The following DAW1 variants were observed in gnomAD, a reference collection of about 807,000 sequenced individuals.
DAW1 encodes dynein assembly factor with WD repeats 1.
DAW1 carries 47 observed loss-of-function variants against 56.5 expected under a neutral mutation model. The observed-to-expected ratio is 0.83, with a 90% CI of 0.66 to 1.06. The LOEUF (loss-of-function observed/expected upper bound fraction) is 1.06. Ranked by LOEUF, DAW1 falls within the 50% of genes least tolerant of loss-of-function variation. The pLI is 0.00. For synonymous variants in DAW1, 190 were observed against 179.0 expected (o/e 1.06, Z -0.49); for missense variants, 505 against 499.3 (o/e 1.01, Z -0.11).
intron 1 of DAW1, among the ~76,000 whole-genome samples, chr2:227,878,269 A>G (rs1393074511): frequency 1.3e-5 from 2 of 152,224 alleles, no homozygotes; most frequent in Non-Finnish European, 1.5e-5. Context: ...ACCCTCATAT[A>G]TAATGCAAAA....
chr2:227,905,148 A>G, intron 8 of DAW1, 113 bp downstream of exon 8: 1 of 684,570 alleles, frequency 1.5e-6, no homozygotes, highest in Non-Finnish European at 2.3e-6. Flanking sequence ...ATTCCATAAA[A>G]ATAGGACATA....
Position 227,906,309 on chromosome 2 carries a change from T to C in DAW1, c.829T>C (p.Leu277=), listed in dbSNP as rs775148323. 1 of 1,612,670 alleles carries C rather than the reference T, an allele frequency of 6.2e-7. No individual in the cohort carries two copies. The highest frequency in any genetic ancestry group is 1.7e-5 in the Admixed American group (1 of 59,954). The change falls in exon 9 of 13, where the codon TTA becomes CTA. Residue 277 remains leucine (L), a synonymous_variant. Coordinates refer to ENST00000309931, the MANE Select transcript of DAW1 (RefSeq NM_178821.3). ...ASFNWDCSLI[L]TGSMDKTCKL... ...ATTCAATTGGGATTGCTCTCTAATA[T>C]TAACTGGCTCTATGGACAAAACCTG...
intron 10 of DAW1, among the ~76,000 whole-genome samples, chr2:227,917,523 G>T (rs950220552): frequency 2.6e-5 from 4 of 152,028 alleles, no homozygotes; most frequent in African/African-American, 9.7e-5. Flanking sequence ...GCCTCCCAAA[G>T]TGCTGGGATT....
chr2:227,903,643 C>CCTTCCTCCCACCCTCCT (rs1166825673), intron 7 of DAW1, among the ~76,000 whole-genome samples: 34 of 95,728 alleles, frequency 3.6e-4, no homozygotes, highest in African/African-American at 1.2e-3. Context: ...GTCACTCTCC[C>CCTTCCTCCCACCCTCCT]CTTCCTCCCA....
intron 11 of DAW1, among the ~76,000 whole-genome samples, chr2:227,919,209 G>GAAAAAAAAAAAAAA (rs58496380): frequency 1.5e-5 from 2 of 134,798 alleles, no homozygotes; most frequent in Non-Finnish European, 3.1e-5. Context: ...AAAAAAAAAA[G>GAAAAAAAAAAAAAA]AAAAAAAAAA....
chr2:227,917,954 G>A (rs1692003025), intron 10 of DAW1, among the ~76,000 whole-genome samples: 2 of 152,128 alleles, frequency 1.3e-5, no homozygotes, highest in African/African-American at 2.4e-5. Flanking sequence ...ACTATGTAAT[G>A]CTATAATCAG....
chr2:227,889,140 A>G (rs1040577451), intron 2 of DAW1, among the ~76,000 whole-genome samples: 3 of 152,224 alleles, frequency 2.0e-5, no homozygotes, highest in African/African-American at 7.2e-5. Context: ...ATACATGTTC[A>G]TTCAAAAGAA....
chr2:227,904,140 G>A (rs1029281204), intron 7 of DAW1, among the ~76,000 whole-genome samples: 2 of 152,024 alleles, frequency 1.3e-5, no homozygotes, highest in African/African-American at 2.4e-5. Flanking sequence ...ACCTGTCTGC[G>A]CCAGAGAGTG....
chr2:227,879,243 A>C (rs1690955266), intron 1 of DAW1, among the ~76,000 whole-genome samples: 1 of 152,206 alleles, frequency 6.6e-6, no homozygotes, highest in Non-Finnish European at 1.5e-5. Context: ...CTGATGTGGA[A>C]TATTATCAGT....
intron 1 of DAW1, chr2:227,876,386 A>G (rs748541150): frequency 2.1e-5 from 26 of 1,246,612 alleles, no homozygotes; most frequent in Admixed American, 2.0e-4. Flanking sequence ...CTTAATGCTT[A>G]TCTTATAATG....
intron 10 of DAW1, among the ~76,000 whole-genome samples, chr2:227,917,667 T>C (rs1253853390): frequency 6.6e-6 from 1 of 152,162 alleles, no homozygotes; most frequent in Non-Finnish European, 1.5e-5. Flanking sequence ...TTTATAAAAC[T>C]TAGAGTGTAG....
chr2:227,908,840 CTG>C (rs1691748162), intron 10 of DAW1, among the ~76,000 whole-genome samples: 1 of 152,176 alleles, frequency 6.6e-6, no homozygotes, highest in Non-Finnish European at 1.5e-5. Context: ...TGATGCTATT[CTG>C]TGAGGCATAG....
intron 11 of DAW1, among the ~76,000 whole-genome samples, chr2:227,919,463 G>A (rs1439823530): frequency 1.3e-5 from 2 of 152,268 alleles, no homozygotes; most frequent in African/African-American, 2.4e-5. Flanking sequence ...TTTAAGGAGC[G>A]TGTAAACTGC....
At chr2:227,885,467 GC>G (rs752975690) in intron 2 of DAW1, 44 bp downstream of exon 2, 1 of 1,464,806 alleles carries the variant, frequency 6.8e-7, no homozygotes, top group Non-Finnish European at 9.4e-7. Flanking sequence ...TCACTGGGAA[GC>G]CTTGACACAG....
At chr2:227,923,437 T>A (rs1420677791) in intron 12 of DAW1, among the ~76,000 whole-genome samples, 1 of 152,210 alleles carries the variant, frequency 6.6e-6, no homozygotes, top group African/African-American at 2.4e-5. Context: ...ACTTCTTATA[T>A]TGATGTTATG....
chr2:227,907,106 T>C (rs1255691269), intron 9 of DAW1, 32 bp from the exon 10 acceptor site: 1 of 1,514,638 alleles, frequency 6.6e-7, no homozygotes, highest in East Asian at 2.3e-5. Flanking sequence ...TCATAGTCTT[T>C]TTTTTTTTGT....
At chr2:227,906,390 C>T (rs781675959) in intron 9 of DAW1, 52 bp downstream of exon 9, 1 of 1,226,000 alleles carries the variant, frequency 8.2e-7, no homozygotes, top group East Asian at 2.5e-5. Flanking sequence ...ATACTCTTTA[C>T]TGTGTCAGAT....
At chr2:227,885,520 T>C (rs1448398559) in intron 2 of DAW1, 97 bp downstream of exon 2, 50 of 898,516 alleles carry the variant, frequency 5.6e-5, no homozygotes, top group Non-Finnish European at 4.9e-6. Context: ...GATAATACAT[T>C]ATGTTTTAAA....
At chr2:227,907,736 C>CG (rs892601256) in intron 10 of DAW1, among the ~76,000 whole-genome samples, 13 of 152,002 alleles carry the variant, frequency 8.6e-5, no homozygotes, top group Admixed American at 2.0e-4. Flanking sequence ...TTAGTAGAGA[C>CG]GGGGTTTCTC....
Sources: gnomAD v4.1 joint callset for allele counts (sites outside exome capture counted in the v4.1 genomes callset) on GRCh38, gnomAD v4.1.1 for gene constraint, MANE v1.5 for transcripts, NCBI Gene and HGNC (gene_info 2026-07-23, HGNC 2026-07-21) for gene names.